The following SLC18A1 variants were observed in gnomAD, a reference collection of about 807,000 sequenced individuals.
The protein encoded by SLC18A1 is chromaffin granule amine transporter.
In SLC18A1, 69 loss-of-function variants were observed where a neutral mutation model predicts 53.7. The ratio of observed to expected loss-of-function variants is 1.28; its 90% CI spans 1.06 to 1.57. The LOEUF is 1.57. SLC18A1 is among the 40% of genes most tolerant of loss of function. SLC18A1 has a pLI of 0.00. For synonymous variants in SLC18A1, 320 were observed against 248.1 expected (o/e 1.29, Z -2.72); for missense variants, 932 against 668.1 (o/e 1.40, Z -4.35).
At chr8:20,177,758 T>C (rs759440080) in intron 4 of SLC18A1, among the ~76,000 whole-genome samples, 3 of 152,204 alleles carry the variant, frequency 2.0e-5, no homozygotes, top group Non-Finnish European at 4.4e-5. Context: ...TTCCCCTGCC[T>C]TAACCTGCTA....
At position 20,145,029 on chromosome 8, in the gene SLC18A1, G is replaced by C. The variant is rs532109487; in HGVS notation, c.*734C>G. 1.3e-5 allele frequency: 2 copies of C among 151,898 alleles called. No homozygotes were observed. The highest frequency in any genetic ancestry group is 2.1e-4 in the South Asian group (1 of 4,818). 9.4% of individuals were successfully genotyped at this position (151,898 alleles called of 1,614,324 possible). ...GTCTTTCTTCTACTTTTATTTCTAA[G>C]AGTCTAAGAGGTTCAGAAAAGGTAG... On this transcript the variant is annotated 3_prime_UTR_variant, in exon 16 of 16. Transcript: ENST00000276373.
intron 10 of SLC18A1, among the ~76,000 whole-genome samples, chr8:20,151,928 G>C (rs578055526): frequency 6.6e-6 from 1 of 152,298 alleles, no homozygotes; most frequent in African/African-American, 2.4e-5. Context: ...CCAGGGGAGG[G>C]AGACATACAA....
chr8:20,166,287 GTC>G (rs1211743694), intron 8 of SLC18A1, among the ~76,000 whole-genome samples: 52 of 78,984 alleles, frequency 6.6e-4, no homozygotes, highest in East Asian at 3.4e-3. Flanking sequence ...GTGTGTGTGT[GTC>G]TATATATATA....
intron 8 of SLC18A1, among the ~76,000 whole-genome samples, chr8:20,168,018 C>T (rs969839889): frequency 2.6e-5 from 4 of 151,910 alleles, no homozygotes; most frequent in African/African-American, 7.3e-5. Flanking sequence ...ACAAGATGAA[C>T]GTAGGACATA....
At chr8:20,170,699 C>T (rs35616580) in intron 8 of SLC18A1, among the ~76,000 whole-genome samples, 17,811 of 152,088 alleles carry the variant, frequency 0.12, 1,257 homozygotes, top group Middle Eastern at 0.3. Flanking sequence ...GATGATGTTA[C>T]AGCTCCAAAT....
Position 20,171,155 on chromosome 8 carries a change from C to A in SLC18A1, c.815-9G>T. On this transcript the variant is annotated splice_polypyrimidine_tract_variant and intron_variant, in intron 7 of 15. Transcript: ENST00000276373. ...GATGCAAAGCTGGAGTGCTAAGAAACAAAGAAGGTGAGACAGTTCAGCGTG... is the reference window on the plus strand; with the variant it reads ...GATGCAAAGCTGGAGTGCTAAGAAAAAAAGAAGGTGAGACAGTTCAGCGTG... The A allele has an allele frequency of 6.2e-7, 1 of 1,614,150 alleles. No homozygotes were observed. Among genetic ancestry groups the A allele is most frequent in the Non-Finnish European group, 8.5e-7 (1 of 1,180,010 alleles).
intron 8 of SLC18A1, among the ~76,000 whole-genome samples, chr8:20,167,486 G>A (rs564664592): frequency 5.9e-5 from 9 of 152,088 alleles, no homozygotes; most frequent in Non-Finnish European, 8.8e-5. Flanking sequence ...GAAAAATCCC[G>A]TGGAGTTGGG....
intron 8 of SLC18A1, among the ~76,000 whole-genome samples, chr8:20,169,835 C>A (rs893213234): frequency 2.0e-5 from 3 of 152,118 alleles, no homozygotes; most frequent in Non-Finnish European, 4.4e-5. Flanking sequence ...GCCGAGATCG[C>A]CCCACTGTAC....
At chr8:20,151,137 G>GT (rs1243438208) in intron 10 of SLC18A1, 7,983 of 101,420 alleles carry the variant, frequency 0.079, 748 homozygotes, top group African/African-American at 0.26. Context: ...ACACCTAGTT[G>GT]TTTTTTTTTG....
chr8:20,173,895 CTTTT>C (rs72376505), intron 5 of SLC18A1, among the ~76,000 whole-genome samples: 6 of 135,648 alleles, frequency 4.4e-5, no homozygotes, highest in African/African-American at 1.1e-4. Context: ...TAATTCCTTT[CTTTT>C]TTTTTTTTTT....
rs115127381 is a variant in SLC18A1, at chr8:20,174,751, G to A, written c.548-307C>T. On this transcript the variant is annotated intron_variant, in intron 4 of 15. Transcript: ENST00000276373. ...CATTCTGTCCACTGAAATGAGGGAT[G>A]TCCATGAAGCTCAGTGTCCTAGGCT... Among the ~76,000 whole-genome samples, 926 of 152,308 alleles carry A rather than the reference G, an allele frequency of 6.1e-3. 12 individuals carry two copies. Among genetic ancestry groups the A allele is most frequent in the African/African-American group, 0.022 (894 of 41,562 alleles).
At chr8:20,179,785 G>T (rs1304721475) in intron 2 of SLC18A1, among the ~76,000 whole-genome samples, 3 of 152,164 alleles carry the variant, frequency 2.0e-5, no homozygotes, top group Admixed American at 2.0e-4. Flanking sequence ...AGTCCTCATT[G>T]TTCATGGTTT....
At chr8:20,159,239 G>T (rs1381873597) in intron 10 of SLC18A1, among the ~76,000 whole-genome samples, 1 of 152,138 alleles carries the variant, frequency 6.6e-6, no homozygotes, top group Non-Finnish European at 1.5e-5. Context: ...TCGGCAGGAA[G>T]CAGTTAGAGC....
intron 10 of SLC18A1, among the ~76,000 whole-genome samples, chr8:20,161,408 A>C (rs1313845211): frequency 6.6e-6 from 1 of 152,238 alleles, no homozygotes. Context: ...AAAATAATAC[A>C]GTATAACAAC....
intron 10 of SLC18A1, among the ~76,000 whole-genome samples, chr8:20,155,616 T>C (rs1257153769): frequency 6.6e-6 from 1 of 152,174 alleles, no homozygotes; most frequent in East Asian, 1.9e-4. Flanking sequence ...TTCTGACCCA[T>C]ACCTCCTGGG....
rs199840153 is a variant in SLC18A1, at chr8:20,171,477, T to C, written c.742A>G (p.Ser248Gly). 41 of 1,614,050 alleles carry C rather than the reference T, an allele frequency of 2.5e-5. No homozygotes were observed. The Admixed American group carries it at 6.8e-4, about 27-fold the overall frequency. The change falls in exon 7 of 16, where the codon AGT becomes GGT. Residue 248 changes from serine to glycine, a missense_variant. Ser to Gly is a moderately conservative substitution (Grantham distance 56, BLOSUM62 0). Coordinates refer to ENST00000276373, the MANE Select transcript of SLC18A1 (RefSeq NM_003053.4). ...TTCCCAACAAACTCGTACATTACAC[T>C]TCCAAAGGGAGCTCCCACTGGAGAG... ...LGLLVGAPFG[S>G]VMYEFVGKSA... is the part of the protein sequence containing the mutation.
intron 4 of SLC18A1, among the ~76,000 whole-genome samples, chr8:20,175,046 C>A (rs535997240): frequency 1.3e-5 from 2 of 152,230 alleles, no homozygotes; most frequent in South Asian, 2.1e-4. Context: ...GTAGCAAATG[C>A]AAAATAAAAA....
At chr8:20,173,270 T>C (rs898024900) in intron 5 of SLC18A1, 142 bp from the exon 6 acceptor site, 20 of 651,772 alleles carry the variant, frequency 3.1e-5, no homozygotes, top group Non-Finnish European at 4.7e-5. Context: ...ACTTAACCCG[T>C]AGTATTTTTC....
At chr8:20,170,988 T>C (rs1369246133) in intron 8 of SLC18A1, 115 bp downstream of exon 8, 2 of 997,096 alleles carry the variant, frequency 2.0e-6, no homozygotes, top group Middle Eastern at 2.6e-4. Context: ...CAGTTCTCAC[T>C]TTCGCTGACC....
Sources: gnomAD v4.1 joint callset for allele counts (sites outside exome capture counted in the v4.1 genomes callset) on GRCh38, gnomAD v4.1.1 for gene constraint, MANE v1.5 for transcripts, NCBI Gene and HGNC (gene_info 2026-07-23, HGNC 2026-07-21) for gene names.